Variants in CAP2 observed in about 807,000 individuals in gnomAD.
The protein encoded by CAP2 is adenylyl cyclase-associated protein 2.
CAP2 carries 24 observed loss-of-function variants against 57.7 expected under a neutral mutation model. The observed-to-expected ratio is 0.42, with a 90% CI of 0.30 to 0.58. The LOEUF is 0.58. Among genes scored for constraint, CAP2 ranks in the 20% least tolerant of loss-of-function variants. The pLI, the probability that CAP2 is intolerant of heterozygous loss-of-function variation, is 0.22. For synonymous variants in CAP2, 194 were observed against 207.2 expected, an observed-to-expected ratio of 0.94 and a Z score of 0.55; for missense variants, 501 against 590.3, an observed-to-expected ratio of 0.85 and a Z score of 1.57.
intron 7 of CAP2, among the ~76,000 whole-genome samples, chr6:17,530,092 T>G (rs1337961572): frequency 6.6e-6 from 1 of 152,124 alleles, no homozygotes; most frequent in African/African-American, 2.4e-5. Context: ...CTGCTTTTAG[T>G]TTTTGAGACA....
intron 7 of CAP2, among the ~76,000 whole-genome samples, chr6:17,522,089 A>G (rs151241644): frequency 0.014 from 2,150 of 152,184 alleles, 23 homozygotes; most frequent in Non-Finnish European, 0.022. Flanking sequence ...AGCCTGGGCG[A>G]CAGAGCAAGA....
At chr6:17,434,924 G>C (rs1017866348) in intron 3 of CAP2, among the ~76,000 whole-genome samples, 5 of 146,672 alleles carry the variant, frequency 3.4e-5, no homozygotes, top group Admixed American at 6.9e-5. Flanking sequence ...AAAAACACAT[G>C]AAGAAATGCT....
At chr6:17,454,827 T>G (rs1760512066) in intron 3 of CAP2, among the ~76,000 whole-genome samples, 1 of 152,194 alleles carries the variant, frequency 6.6e-6, no homozygotes, top group South Asian at 2.1e-4. Flanking sequence ...CTCTGGGCAA[T>G]AAAAGAGAAC....
At chr6:17,521,516 G>A (rs1762391184) in intron 7 of CAP2, among the ~76,000 whole-genome samples, 1 of 152,228 alleles carries the variant, frequency 6.6e-6, no homozygotes, top group African/African-American at 2.4e-5. Flanking sequence ...CAGCCTGACA[G>A]AGACCACATA....
In CAP2 at chr6:17,529,582, A is replaced by G. The variant is rs546557671; in HGVS notation, c.637-9687A>G. Among the ~76,000 whole-genome samples the G allele has an allele frequency of 2.5e-4, 37 of 150,572 alleles. 1 individual carries two copies. The South Asian group carries it at 6.3e-3, about 26-fold the overall frequency. ...CGTGAACCTGGGAGGCGGAGCTTGC[A>G]GTGAGCCGAGATCACGCCACTGCAC... On this transcript the variant is annotated intron_variant, in intron 7 of 12. Transcript: ENST00000229922.
intron 7 of CAP2, among the ~76,000 whole-genome samples, chr6:17,522,156 G>T (rs1664308784): frequency 6.6e-6 from 1 of 151,876 alleles, no homozygotes; most frequent in Non-Finnish European, 1.5e-5. Flanking sequence ...AGGCTCTCAG[G>T]CCCCACCTCA....
intron 1 of CAP2, among the ~76,000 whole-genome samples, chr6:17,418,482 C>G (rs1360278617): frequency 7.2e-5 from 11 of 152,014 alleles, no homozygotes; most frequent in Non-Finnish European, 2.9e-5. Flanking sequence ...TGTTGTCTTT[C>G]AACATACGGA....
chr6:17,521,878 G>A (rs1296465824), intron 7 of CAP2, among the ~76,000 whole-genome samples: 1 of 152,270 alleles, frequency 6.6e-6, no homozygotes, highest in African/African-American at 2.4e-5. Context: ...GGAGGCTGAG[G>A]CGGGTAGATC....
intron 1 of CAP2, among the ~76,000 whole-genome samples, chr6:17,405,958 C>T (rs1222682036): frequency 2.0e-5 from 3 of 151,830 alleles, no homozygotes; most frequent in Non-Finnish European, 4.4e-5. Context: ...CCAGGCTGGT[C>T]GTGAACTCCT....
intron 1 of CAP2, among the ~76,000 whole-genome samples, chr6:17,400,337 A>G (rs762835750): frequency 1.1e-4 from 17 of 152,178 alleles, no homozygotes; most frequent in African/African-American, 2.2e-4. Context: ...ACTTTGCATC[A>G]TTCCATTTGG....
chr6:17,555,318 C>T (rs2113715564), intron 12 of CAP2, among the ~76,000 whole-genome samples: 1 of 152,064 alleles, frequency 6.6e-6, no homozygotes. Flanking sequence ...CCTCAGCCTC[C>T]CGAGTAGCTG....
At chr6:17,514,544 G>A (rs1236777422) in intron 7 of CAP2, among the ~76,000 whole-genome samples, 1 of 152,174 alleles carries the variant, frequency 6.6e-6, no homozygotes, top group Non-Finnish European at 1.5e-5. Flanking sequence ...GAGGTCAGGA[G>A]TTTGAGACCA....
intron 1 of CAP2, among the ~76,000 whole-genome samples, chr6:17,414,421 T>C (rs1759225905): frequency 6.6e-6 from 1 of 152,088 alleles, no homozygotes; most frequent in Non-Finnish European, 1.5e-5. Context: ...CATCCCCCAA[T>C]AGGCCCTGGT....
chr6:17,436,142 C>A (rs1229238686), intron 3 of CAP2, among the ~76,000 whole-genome samples: 2 of 150,612 alleles, frequency 1.3e-5, no homozygotes, highest in Non-Finnish European at 3.0e-5. Context: ...TCCTTCCTTT[C>A]TTGATAGAGT....
intron 3 of CAP2, among the ~76,000 whole-genome samples, chr6:17,442,323 A>T (rs946940130): frequency 6.6e-6 from 1 of 152,232 alleles, no homozygotes; most frequent in East Asian, 1.9e-4. Flanking sequence ...GAATCTGCAC[A>T]TGATGATGTT....
chr6:17,421,301 G>C (rs1411741079), intron 1 of CAP2, among the ~76,000 whole-genome samples: 1 of 152,146 alleles, frequency 6.6e-6, no homozygotes, highest in African/African-American at 2.4e-5. Flanking sequence ...CTGCTCAGAT[G>C]ATGGGTGTAT....
At chr6:17,503,774 C>G (rs1182089715) in intron 4 of CAP2, among the ~76,000 whole-genome samples, 1 of 151,996 alleles carries the variant, frequency 6.6e-6, no homozygotes, top group Non-Finnish European at 1.5e-5. Context: ...AAGGCTTTAG[C>G]ATATGAATTT....
chr6:17,522,176 A>C (rs1281706635), intron 7 of CAP2, among the ~76,000 whole-genome samples: 1 of 152,120 alleles, frequency 6.6e-6, no homozygotes, highest in Non-Finnish European at 1.5e-5. Context: ...AGCCCTCCCA[A>C]ATCACAACCT....
In CAP2 at chr6:17,513,732, C is replaced by T. The variant is rs913740342; in HGVS notation, c.531-117C>T. The stretch of plus-strand genomic sequence containing the variant: ...CTTCACGGTGCCTGGGTTGCAAGGA[C>T]GATTGCTCCGGGCTCCAGGGCCCCT... On this transcript the variant is annotated intron_variant, in intron 6 of 12. Transcript: ENST00000229922. This position sits in a 1 kb window ranked among gnomAD's most constrained non-coding sequence, Gnocchi z 4.3. The T allele has an allele frequency of 4.3e-5, 30 of 689,930 alleles. No individual in the cohort carries two copies. The highest frequency in any genetic ancestry group is 5.7e-5 in the Non-Finnish European group (22 of 387,274). The allele number at this position is 689,930 out of a possible 1,614,324, so 42.7% of individuals were successfully genotyped here. A position where few individuals can be genotyped will look rare whatever the true frequency, so the allele number is the denominator to read the frequency against.
Sources: gnomAD v4.1 joint callset for allele counts (sites outside exome capture counted in the v4.1 genomes callset) on GRCh38, gnomAD v4.1.1 for gene constraint, Gnocchi (gnomAD v3.1) non-coding constraint, MANE v1.5 for transcripts, NCBI Gene and HGNC (gene_info 2026-07-23, HGNC 2026-07-21) for gene names.